FAM168B: variants seen among roughly 807,000 people sequenced by gnomAD.
FAM168B encodes myelin-associated neurite-outgrowth inhibitor.
Under a neutral mutation model 21.8 loss-of-function variants are expected in FAM168B, and 19 were observed. The observed-to-expected ratio is 0.87, with a 90% CI of 0.61 to 1.28. The LOEUF (loss-of-function observed/expected upper bound fraction) is 1.28, where lower values mean the gene tolerates loss of function less well. FAM168B is among the 50% of genes most tolerant of loss of function. The probability of loss-of-function intolerance (pLI) is 0.00; values close to 1 mark genes in which losing one functional copy is unlikely to be tolerated. For missense variants in FAM168B, 233 were observed against 263.1 expected, an observed-to-expected ratio of 0.89 and a Z score of 0.79; for synonymous variants, 126 against 104.8, an observed-to-expected ratio of 1.20 and a Z score of -1.24.
At chr2:131,064,807 G>C (rs1261053857) in intron 3 of FAM168B, among the ~76,000 whole-genome samples, 1 of 152,128 alleles carries the variant, frequency 6.6e-6, no homozygotes. Context: ...CCAGATAAGA[G>C]AGAGGAAGGG....
chr2:131,056,839 T>C (rs939142769), intron 3 of FAM168B, among the ~76,000 whole-genome samples: 16 of 151,908 alleles, frequency 1.1e-4, no homozygotes, highest in Non-Finnish European at 1.9e-4. Context: ...GCTGGATGCA[T>C]GTACTGACAG....
chr2:131,059,574 AG>A (rs1692190754), intron 3 of FAM168B, among the ~76,000 whole-genome samples: 1 of 152,230 alleles, frequency 6.6e-6, no homozygotes, highest in South Asian at 2.1e-4. Context: ...TATCTGACCA[AG>A]ATGATATTTT....
At position 131,082,470 on chromosome 2, in the gene FAM168B, T is replaced by A. The variant is rs942177631; in HGVS notation, c.70+107A>T. 4 of 738,142 alleles carry A rather than the reference T, an allele frequency of 5.4e-6. No individual in the cohort carries two copies. The Admixed American group carries it at 9.4e-5, about 17-fold the overall frequency. The allele number at this position is 738,142 out of a possible 1,614,324, so 45.7% of individuals were successfully genotyped here. A position where few individuals can be genotyped will look rare whatever the true frequency, so the allele number is the denominator to read the frequency against. ...TCACTTCCAGGTATTTTCTTTCTTG[T>A]CTAAGCCACTTTGAGCTGCGTTTGT... On this transcript the variant is annotated intron_variant, in intron 2 of 6. Transcript: ENST00000389915.
chr2:131,059,329 G>T (rs926965114), intron 3 of FAM168B, among the ~76,000 whole-genome samples: 2 of 152,164 alleles, frequency 1.3e-5, no homozygotes, highest in African/African-American at 4.8e-5. Context: ...TCAAATGAAA[G>T]AAACTGTGGG....
rs1451925772 is a variant in FAM168B, at chr2:131,059,966, GT to G, written c.155-4272del. On this transcript the variant is annotated intron_variant, in intron 3 of 6. Coordinates refer to ENST00000389915, the MANE Select transcript of FAM168B (RefSeq NM_001009993.4). ...GTGGTAACTGCTAAAGCCAGGTGAT[GT>G]GTAGGTGGGAAGTATATTCCCATGT... is the stretch of plus-strand genomic sequence containing the variant. 6.6e-5 allele frequency among the ~76,000 whole-genome samples: 10 copies of G among 152,324 alleles called. 1 individual carries two copies. In the South Asian group the frequency reaches 1.9e-3, roughly 28 times the overall value.
At chr2:131,085,943 C>T (rs1242036829) in intron 1 of FAM168B, among the ~76,000 whole-genome samples, 1 of 152,178 alleles carries the variant, frequency 6.6e-6, no homozygotes, top group East Asian at 1.9e-4. Context: ...CTTTATTTAA[C>T]TTCAACATAA....
rs1691448447 is a variant in FAM168B, at chr2:131,048,665, T to C, written c.*3800A>G. 7 of 995,454 alleles carry C rather than the reference T, an allele frequency of 7.0e-6. No homozygotes were observed. Among genetic ancestry groups the C allele is most frequent in the Non-Finnish European group, 8.4e-6 (7 of 835,940 alleles). 61.7% of individuals were successfully genotyped at this position (995,454 alleles called of 1,614,324 possible). ...CTGATAAAGCATGTCCTCTGCAGTATACTCAAGAGTCTGCTGCCCTTCAGA... is the reference window on the plus strand; with the variant it reads ...CTGATAAAGCATGTCCTCTGCAGTACACTCAAGAGTCTGCTGCCCTTCAGA... On this transcript the variant is annotated 3_prime_UTR_variant, in exon 7 of 7. Transcript: ENST00000389915.
chr2:131,079,142 C>G (rs565528346), intron 2 of FAM168B, among the ~76,000 whole-genome samples: 225 of 152,130 alleles, frequency 1.5e-3, no homozygotes, highest in African/African-American at 5.3e-3. Flanking sequence ...GAATCCTGGA[C>G]TGCCCAGGCT....
chr2:131,091,994 A>G (rs77265594), intron 1 of FAM168B, among the ~76,000 whole-genome samples: 3 of 151,582 alleles, frequency 2.0e-5, no homozygotes, highest in South Asian at 4.2e-4. Context: ...ATACAAAAAA[A>G]TTAGCCAGGC....
At chr2:131,071,751 C>G (rs1692880467) in intron 3 of FAM168B, 104 bp downstream of exon 3, 6 of 972,278 alleles carry the variant, frequency 6.2e-6, no homozygotes, top group Non-Finnish European at 9.7e-6. Flanking sequence ...CTTGAGAAAT[C>G]GACTCAACCA....
chr2:131,055,780 C>T (rs955558132), intron 3 of FAM168B, 85 bp from the exon 4 acceptor site: 100 of 1,512,140 alleles, frequency 6.6e-5, no homozygotes, highest in Middle Eastern at 2.3e-4. Flanking sequence ...AGCTAAGCTG[C>T]GTGTCAGCCC....
At chr2:131,057,780 A>G (rs1015498371) in intron 3 of FAM168B, among the ~76,000 whole-genome samples, 1 of 152,218 alleles carries the variant, frequency 6.6e-6, no homozygotes, top group Non-Finnish European at 1.5e-5. Context: ...TTAATTTTTA[A>G]AAAATTTTAC....
intron 1 of FAM168B, among the ~76,000 whole-genome samples, chr2:131,085,692 C>T (rs1693661085): frequency 1.3e-5 from 2 of 152,082 alleles, no homozygotes; most frequent in African/African-American, 2.4e-5. Context: ...GTAACTAAAA[C>T]ATTCATTACC....
chr2:131,061,482 C>G (rs2105483517), intron 3 of FAM168B, among the ~76,000 whole-genome samples: 1 of 151,444 alleles, frequency 6.6e-6, no homozygotes, highest in South Asian at 2.1e-4. Context: ...CAAACGCACC[C>G]CTAGAAGATG....
chr2:131,088,328 T>C (rs7557814), intron 1 of FAM168B, among the ~76,000 whole-genome samples: 2,190 of 150,804 alleles, frequency 0.015, 55 homozygotes, highest in African/African-American at 0.05. Context: ...ATATGCTGAA[T>C]GACACCATGA....
In FAM168B at chr2:131,055,694, AC is replaced by A; in HGVS notation, c.155del (p.Gly52ValfsTer111). ...CTTTGTAAGGTGTGCCAGGAGTGTA[AC>A]CTGGAACAAAGAAGGCAATGGCCTG... The part of the protein sequence containing the change: ...YPGANPTFQT[G>X]YTPGTPYKVS... On this transcript the variant is annotated frameshift_variant and splice_region_variant, in exon 4 of 7. Transcript: ENST00000389915. LOFTEE classifies it high-confidence loss of function. 1 of 1,613,514 alleles carries A rather than the reference AC, an allele frequency of 6.2e-7. No homozygotes were observed. The highest frequency in any genetic ancestry group is 8.5e-7 in the Non-Finnish European group (1 of 1,179,766).
chr2:131,056,731 T>C (rs1692042311), intron 3 of FAM168B, among the ~76,000 whole-genome samples: 1 of 152,046 alleles, frequency 6.6e-6, no homozygotes, highest in Non-Finnish European at 1.5e-5. Flanking sequence ...ATACAAATCC[T>C]ACTGAGCAAG....
chr2:131,050,880 T>C lies in FAM168B; in HGVS notation c.*1585A>G. 2 of 985,712 alleles carry C rather than the reference T, an allele frequency of 2.0e-6. No individual in the cohort carries two copies. Among genetic ancestry groups the C allele is most frequent in the Non-Finnish European group, 2.4e-6 (2 of 830,186 alleles). The allele number at this position is 985,712 out of a possible 1,614,324, so 61.1% of individuals were successfully genotyped here. ...GCACTGGGAAGAAGACGCACGCTCC[T>C]GCCCTAGAGGCCGCTGAAAGGGACC... On this transcript the variant is annotated 3_prime_UTR_variant, in exon 7 of 7. Coordinates refer to ENST00000389915, the MANE Select transcript of FAM168B (RefSeq NM_001009993.4).
intron 1 of FAM168B, among the ~76,000 whole-genome samples, chr2:131,083,686 G>A (rs947007038): frequency 6.6e-6 from 1 of 152,198 alleles, no homozygotes; most frequent in African/African-American, 2.4e-5. Flanking sequence ...ACAATGTTAA[G>A]TGAAAACAAA....
Sources: gnomAD v4.1 joint callset for allele counts (sites outside exome capture counted in the v4.1 genomes callset) on GRCh38, gnomAD v4.1.1 for gene constraint, MANE v1.5 for transcripts, NCBI Gene and HGNC (gene_info 2026-07-23, HGNC 2026-07-21) for gene names.